Variants in SOAT1 observed in about 807,000 individuals in gnomAD.
SOAT1 encodes the protein sterol O-acyltransferase 1, also known as acyl-coenzyme A:cholesterol acyltransferase 1.
A neutral mutation model predicts 69.5 loss-of-function variants in SOAT1; 55 were observed. The observed-to-expected ratio is 0.79, with a 90% confidence interval of 0.64 to 0.99. The LOEUF (loss-of-function observed/expected upper bound fraction) is 0.99. SOAT1 is among the 50% of genes least tolerant of loss of function. SOAT1 has a pLI of 0.00. For synonymous variants in SOAT1, 231 were observed against 224.7 expected (o/e 1.03, Z -0.25); for missense variants, 580 against 669.3 (o/e 0.87, Z 1.47).
chr1:179,308,877 G>T (rs1665122162), intron 2 of SOAT1, among the ~76,000 whole-genome samples: 1 of 151,770 alleles, frequency 6.6e-6, no homozygotes, highest in African/African-American at 2.4e-5. Context: ...TCTATACTTT[G>T]TAAGTCTCAG....
chr1:179,334,224 G>GTATA (rs1387811359), intron 3 of SOAT1, among the ~76,000 whole-genome samples: 3 of 152,148 alleles, frequency 2.0e-5, no homozygotes, highest in African/African-American at 4.8e-5. Context: ...TACTGTTTAT[G>GTATA]TATAGGTGGT....
intron 2 of SOAT1, among the ~76,000 whole-genome samples, chr1:179,306,830 CA>C (rs11461908): frequency 2.0e-4 from 19 of 96,628 alleles, no homozygotes; most frequent in African/African-American, 2.3e-4. Context: ...GACTCCATCT[CA>C]AAAAAAAAAA....
chr1:179,333,407 A>AC (rs1666035330), intron 3 of SOAT1, among the ~76,000 whole-genome samples: 1 of 151,732 alleles, frequency 6.6e-6, no homozygotes, highest in African/African-American at 2.4e-5. Context: ...TAAAAAAAAA[A>AC]AAACAAAGTC....
intron 9 of SOAT1, 85 bp downstream of exon 9, chr1:179,343,028 T>A: frequency 1.0e-6 from 1 of 978,660 alleles, no homozygotes; most frequent in Non-Finnish European, 1.6e-6. Context: ...GGCCAGTTCA[T>A]GTAGGGACAT....
intron 3 of SOAT1, among the ~76,000 whole-genome samples, chr1:179,331,695 C>A (rs902452131): frequency 2.0e-5 from 3 of 151,996 alleles, no homozygotes; most frequent in African/African-American, 7.3e-5. Flanking sequence ...CAAGTAAGTG[C>A]AATGAAGGAA....
At chr1:179,315,575 G>A (rs1433428206) in intron 2 of SOAT1, among the ~76,000 whole-genome samples, 1 of 152,066 alleles carries the variant, frequency 6.6e-6, no homozygotes, top group African/African-American at 2.4e-5. Context: ...TTGTAATATT[G>A]TATGAAGAGG....
intron 2 of SOAT1, among the ~76,000 whole-genome samples, chr1:179,315,325 G>A (rs1242136301): frequency 1.3e-5 from 2 of 152,080 alleles, no homozygotes; most frequent in East Asian, 3.9e-4. Flanking sequence ...GCATGTGAGT[G>A]TGGTGGCATG....
intron 4 of SOAT1, among the ~76,000 whole-genome samples, chr1:179,336,179 A>T (rs1035554053): frequency 8.6e-5 from 13 of 150,574 alleles, no homozygotes; most frequent in African/African-American, 2.9e-4. Context: ...ACTGACTAAT[A>T]AGGTCAGGTG....
At chr1:179,308,882 T>G (rs1365520459) in intron 2 of SOAT1, among the ~76,000 whole-genome samples, 1 of 152,160 alleles carries the variant, frequency 6.6e-6, no homozygotes, top group Non-Finnish European at 1.5e-5. Context: ...ACTTTGTAAG[T>G]CTCAGATATC....
At chr1:179,341,943 G>T in intron 7 of SOAT1, 171 bp from the exon 8 acceptor site, 1 of 450,538 alleles carries the variant, frequency 2.2e-6, no homozygotes, top group Non-Finnish European at 2.9e-6. Context: ...TGAAATGTCA[G>T]ATTCATTGTT....
chr1:179,348,577 A>G (rs12138619), intron 12 of SOAT1, among the ~76,000 whole-genome samples: 14,006 of 152,210 alleles, frequency 0.092, 887 homozygotes, highest in East Asian at 0.36. Flanking sequence ...TGTGTTCCGT[A>G]TGAACCTAGG....
intron 2 of SOAT1, 102 bp from the exon 3 acceptor site, chr1:179,323,335 C>G (rs1665671935): frequency 1.1e-6 from 1 of 906,488 alleles, no homozygotes; most frequent in Non-Finnish European, 1.7e-6. Flanking sequence ...ACAGTTTACG[C>G]AGTTACCTTT....
At chr1:179,311,746 ATAACT>A (rs1478103493) in intron 2 of SOAT1, among the ~76,000 whole-genome samples, 4 of 152,202 alleles carry the variant, frequency 2.6e-5, no homozygotes, top group African/African-American at 9.6e-5. Flanking sequence ...TAAATATATA[ATAACT>A]TGATAAGTGT....
intron 4 of SOAT1, among the ~76,000 whole-genome samples, chr1:179,336,854 G>C (rs1032719896): frequency 3.3e-5 from 5 of 152,046 alleles, no homozygotes; most frequent in African/African-American, 1.2e-4. Context: ...AATTAGCCGG[G>C]TGCCATGGCA....
At chr1:179,294,067 G>C (rs1042613514) in intron 1 of SOAT1, 131 bp downstream of exon 1, 1 of 152,294 alleles carries the variant, frequency 6.6e-6, no homozygotes, top group Non-Finnish European at 1.5e-5. Context: ...TGCGGAGAAG[G>C]CGAGGCTCGG....
chr1:179,335,478 C>T (rs1260171353), intron 3 of SOAT1, 28 bp from the exon 4 acceptor site: 1 of 1,592,678 alleles, frequency 6.3e-7, no homozygotes, highest in Non-Finnish European at 8.6e-7. Context: ...ATTAGTTCCC[C>T]ATCTTTTTCT....
At chr1:179,319,352 C>G (rs61824363) in intron 2 of SOAT1, among the ~76,000 whole-genome samples, 32,683 of 151,106 alleles carry the variant, frequency 0.22, 4,547 homozygotes, top group East Asian at 0.38. Context: ...TCACTGCAAC[C>G]TCCGCCTCCT....
At chr1:179,296,800 G>A (rs2246677) in intron 1 of SOAT1, among the ~76,000 whole-genome samples, 149,840 of 152,290 alleles carry the variant, frequency 0.98, 73,767 homozygotes, top group Middle Eastern at 1. Flanking sequence ...TTTGAAAGCT[G>A]TATTAATGGG....
intron 2 of SOAT1, among the ~76,000 whole-genome samples, chr1:179,306,911 T>TA (rs1665027341): frequency 6.6e-6 from 1 of 151,890 alleles, no homozygotes; most frequent in Non-Finnish European, 1.5e-5. Flanking sequence ...ATTGTTGTAG[T>TA]AGGAAATAAT....
Sources: allele counts gnomAD v4.1 joint callset (sites outside exome capture counted in the v4.1 genomes callset), GRCh38; gene constraint gnomAD v4.1.1; transcripts MANE v1.5; gene names NCBI Gene and HGNC (gene_info 2026-07-23, HGNC 2026-07-21).